The following ADGRL3 variants were observed in gnomAD, a reference collection of about 807,000 sequenced individuals.
ADGRL3 encodes the protein calcium-independent alpha-latrotoxin receptor 3.
ADGRL3 carries 62 observed loss-of-function variants against 153.5 expected under a neutral mutation model. The ratio of observed to expected loss-of-function variants is 0.40; its 90% CI spans 0.33 to 0.50. The LOEUF is 0.50. ADGRL3 is among the 20% of genes least tolerant of loss of function. The probability of loss-of-function intolerance (pLI) is 0.47; values close to 1 mark genes in which losing one functional copy is unlikely to be tolerated. For missense variants in ADGRL3, 1,641 were observed against 1,859.4 expected, an observed-to-expected ratio of 0.88 and a Z score of 2.16; for synonymous variants, 710 against 672.5, an observed-to-expected ratio of 1.06 and a Z score of -0.86.
chr4:61,398,135 A>G (rs761600288), intron 2 of ADGRL3, among the ~76,000 whole-genome samples: 4 of 151,904 alleles, frequency 2.6e-5, no homozygotes, highest in South Asian at 2.1e-4. Context: ...TGAAACTGCA[A>G]TCCTGAAAGT....
intron 6 of ADGRL3, among the ~76,000 whole-genome samples, chr4:61,680,829 T>C (rs1483969295): frequency 6.6e-6 from 1 of 152,066 alleles, no homozygotes; most frequent in Non-Finnish European, 1.5e-5. Context: ...GAAGTTATAT[T>C]TAATCTTTTC....
At chr4:61,828,985 T>C (rs1261878390) in intron 9 of ADGRL3, among the ~76,000 whole-genome samples, 1 of 152,234 alleles carries the variant, frequency 6.6e-6, no homozygotes, top group African/African-American at 2.4e-5. Context: ...TTAACTGAGA[T>C]ATTTGTAGGG....
At chr4:61,637,057 T>C (rs1472724402) in intron 5 of ADGRL3, among the ~76,000 whole-genome samples, 2 of 152,170 alleles carry the variant, frequency 1.3e-5, no homozygotes, top group Non-Finnish European at 2.9e-5. Context: ...AACAATATTA[T>C]GAGCAAAAAC....
chr4:61,326,384 A>G (rs2095465320), intron 1 of ADGRL3, among the ~76,000 whole-genome samples: 1 of 152,070 alleles, frequency 6.6e-6, no homozygotes, highest in Non-Finnish European at 1.5e-5. Context: ...AAAGTTTATA[A>G]TCGTAACTGT....
chr4:61,683,770 G>A (rs2095390022), intron 6 of ADGRL3, among the ~76,000 whole-genome samples: 1 of 152,078 alleles, frequency 6.6e-6, no homozygotes. Context: ...CTTGGAGGTG[G>A]GGTTTCACTG....
chr4:61,568,866 G>A (rs900677856), intron 4 of ADGRL3, among the ~76,000 whole-genome samples: 5 of 151,436 alleles, frequency 3.3e-5, no homozygotes, highest in South Asian at 2.1e-4. Context: ...TAATCTAATC[G>A]TTGAGATGAT....
intron 1 of ADGRL3, among the ~76,000 whole-genome samples, chr4:61,293,854 T>C (rs986046004): frequency 6.6e-6 from 1 of 152,146 alleles, no homozygotes; most frequent in Non-Finnish European, 1.5e-5. Flanking sequence ...CTGGAGCAAG[T>C]AACTAAATCT....
chr4:61,562,370 A>G (rs961218208), intron 4 of ADGRL3, among the ~76,000 whole-genome samples: 1 of 152,090 alleles, frequency 6.6e-6, no homozygotes, highest in African/African-American at 2.4e-5. Flanking sequence ...TGTTATATGG[A>G]TTGACTCTCC....
At chr4:61,691,651 A>G (rs936433237) in intron 6 of ADGRL3, among the ~76,000 whole-genome samples, 1 of 152,216 alleles carries the variant, frequency 6.6e-6, no homozygotes, top group African/African-American at 2.4e-5. Flanking sequence ...AATTACTTTA[A>G]CAAAGTCTAT....
Position 61,983,423 on chromosome 4 carries a change from T to G in ADGRL3, c.3056T>G (p.Phe1019Cys). Residue 1019 changes from phenylalanine to cysteine, a missense_variant, in exon 19 of 27, where the codon TTC becomes TGC. By Grantham distance (205) the Phe-to-Cys change is radical (BLOSUM62 -2). This residue lies in a region of ADGRL3 where 734 missense variants were observed against 797.0 expected (regional missense o/e 0.92). Coordinates refer to ENST00000683033, the MANE Select transcript of ADGRL3 (RefSeq NM_001387552.1). ...AVFAALLHFF[F>C]LAAFTWMFLE... ...TTCGCTGCCCTGTTACATTTCTTCT[T>G]CTTGGCTGCCTTCACCTGGATGTTC... 1.9e-6 allele frequency: 3 copies of G among 1,613,922 alleles called. No homozygotes were observed. Among genetic ancestry groups the G allele is most frequent in the Non-Finnish European group, 2.5e-6 (3 of 1,179,872 alleles).
intron 8 of ADGRL3, among the ~76,000 whole-genome samples, chr4:61,780,573 C>T (rs2097202681): frequency 6.6e-6 from 1 of 152,194 alleles, no homozygotes; most frequent in South Asian, 2.1e-4. Context: ...GGTAGAACTT[C>T]AATTTTTCAT....
intron 21 of ADGRL3, among the ~76,000 whole-genome samples, chr4:62,027,433 G>A (rs1025952478): frequency 1.3e-5 from 2 of 151,954 alleles, no homozygotes; most frequent in African/African-American, 4.8e-5. Flanking sequence ...ATATGACTGA[G>A]GAACTGAATT....
At chr4:61,408,156 G>T (rs2097028005) in intron 2 of ADGRL3, among the ~76,000 whole-genome samples, 1 of 152,004 alleles carries the variant, frequency 6.6e-6, no homozygotes, top group Non-Finnish European at 1.5e-5. Flanking sequence ...GGCTGTCAGG[G>T]AAATCTCACC....
At chr4:61,951,073 T>C (rs1456057816) in intron 17 of ADGRL3, among the ~76,000 whole-genome samples, 1 of 152,212 alleles carries the variant, frequency 6.6e-6, no homozygotes, top group Non-Finnish European at 1.5e-5. Context: ...TTTTTACTTA[T>C]TTATTTATTT....
At chr4:61,640,244 C>CA (rs1488549603) in intron 5 of ADGRL3, among the ~76,000 whole-genome samples, 3 of 151,438 alleles carry the variant, frequency 2.0e-5, no homozygotes, top group Non-Finnish European at 2.9e-5. Context: ...AAAAAAAATG[C>CA]AAAAAAAGGA....
chr4:62,066,417 T>G (rs1743021587), intron 25 of ADGRL3, among the ~76,000 whole-genome samples: 1 of 152,074 alleles, frequency 6.6e-6, no homozygotes, highest in African/African-American at 2.4e-5. Context: ...TAAAGATGTG[T>G]TTATTGTGTT....
intron 1 of ADGRL3, among the ~76,000 whole-genome samples, chr4:61,377,749 C>T (rs2096621234): frequency 6.6e-6 from 1 of 151,746 alleles, no homozygotes; most frequent in African/African-American, 2.4e-5. Context: ...ATTTAGCTCA[C>T]TCTTCTTTTT....
intron 9 of ADGRL3, among the ~76,000 whole-genome samples, chr4:61,841,577 A>C (rs1384257749): frequency 6.6e-6 from 1 of 152,246 alleles, no homozygotes; most frequent in Non-Finnish European, 1.5e-5. Context: ...GTTTTGAAGA[A>C]TATTTCATAC....
intron 15 of ADGRL3, among the ~76,000 whole-genome samples, chr4:61,939,666 C>T (rs956166072): frequency 1.1e-4 from 16 of 152,028 alleles, no homozygotes; most frequent in African/African-American, 3.1e-4. Flanking sequence ...GACAGGGTTT[C>T]GCCATATTGG....
Sources: allele counts gnomAD v4.1 joint callset (sites outside exome capture counted in the v4.1 genomes callset), GRCh38; gene constraint gnomAD v4.1.1; regional missense constraint gnomAD v4.1.1; transcripts MANE v1.5; gene names NCBI Gene and HGNC (gene_info 2026-07-23, HGNC 2026-07-21).